Variants in CPVL observed in about 807,000 individuals in gnomAD.
CPVL encodes the protein carboxypeptidase vitellogenic like.
In CPVL, 51 loss-of-function variants were observed where a neutral mutation model predicts 63.7. The ratio of observed to expected loss-of-function variants is 0.80; its 90% confidence interval spans 0.64 to 1.01. CPVL has a LOEUF of 1.01. Among genes scored for constraint, CPVL ranks in the 50% least tolerant of loss-of-function variants. The pLI is 0.00. For synonymous variants in CPVL, 195 were observed against 206.0 expected (o/e 0.95, Z 0.46); for missense variants, 530 against 573.1 (o/e 0.92, Z 0.77).
intron 12 of CPVL, among the ~76,000 whole-genome samples, chr7:28,996,697 T>C (rs1784109947): frequency 6.6e-6 from 1 of 152,184 alleles, no homozygotes; most frequent in Non-Finnish European, 1.5e-5. Flanking sequence ...ACAATTCATA[T>C]AGTGACGATT....
chr7:29,002,123 G>A (rs189360213), intron 12 of CPVL, among the ~76,000 whole-genome samples: 27 of 152,212 alleles, frequency 1.8e-4, no homozygotes, highest in Admixed American at 8.5e-4. Flanking sequence ...AGTCAAAAGC[G>A]GCAGATAAGA....
In CPVL at chr7:29,162,815, G is replaced by A. The variant is rs559648153; in HGVS notation, c.-11+18475C>T. On this transcript the variant is annotated intron_variant, in intron 5 of 16. Transcript: ENST00000409850. ...AATGGCTGCCAAAGGTTAGGGAAGAGGAGGGAGAGCCTAACTATAACAGAG... is the reference window on the plus strand; with the variant it reads ...AATGGCTGCCAAAGGTTAGGGAAGAAGAGGGAGAGCCTAACTATAACAGAG... Among the ~76,000 whole-genome samples, 8 of 152,350 alleles carry A rather than the reference G, an allele frequency of 5.3e-5. No homozygotes were observed. In the South Asian group the frequency reaches 1.7e-3, roughly 32 times the overall value.
At chr7:29,024,861 G>A (rs1584021514) in intron 12 of CPVL, among the ~76,000 whole-genome samples, 1 of 152,196 alleles carries the variant, frequency 6.6e-6, no homozygotes, top group Non-Finnish European at 1.5e-5. Flanking sequence ...ATAACTGGAA[G>A]TGAAAAGACG....
At chr7:29,143,342 T>C (rs1472194365) in intron 1 of CPVL, among the ~76,000 whole-genome samples, 1 of 152,210 alleles carries the variant, frequency 6.6e-6, no homozygotes, top group African/African-American at 2.4e-5. Flanking sequence ...GCCAGTTGAT[T>C]AATCAATTGA....
At chr7:29,045,471 C>G (rs1453667579) in intron 11 of CPVL, among the ~76,000 whole-genome samples, 1 of 152,172 alleles carries the variant, frequency 6.6e-6, no homozygotes, top group East Asian at 1.9e-4. Context: ...CTAGAGTTAG[C>G]TTCCTTCTCT....
intron 5 of CPVL, among the ~76,000 whole-genome samples, chr7:29,162,728 G>A (rs561845610): frequency 8.6e-5 from 13 of 150,742 alleles, no homozygotes; most frequent in African/African-American, 3.2e-4. Context: ...ATTACACATT[G>A]TATGATCTCA....
At chr7:29,089,009 A>G (rs1289753952) in intron 6 of CPVL, among the ~76,000 whole-genome samples, 1 of 152,130 alleles carries the variant, frequency 6.6e-6, no homozygotes, top group East Asian at 1.9e-4. Flanking sequence ...GTGTGTTCAC[A>G]AGTGCACACT....
chr7:29,110,636 T>A (rs963551094), intron 3 of CPVL, among the ~76,000 whole-genome samples: 3 of 152,210 alleles, frequency 2.0e-5, no homozygotes, highest in Non-Finnish European at 4.4e-5. Flanking sequence ...TCTAGGCAAA[T>A]GTTCAAGTAT....
chr7:29,098,219 G>A (rs1786651587), intron 3 of CPVL, among the ~76,000 whole-genome samples: 1 of 152,218 alleles, frequency 6.6e-6, no homozygotes, highest in Non-Finnish European at 1.5e-5. Context: ...AGGCAAGACT[G>A]ACTCAAGAGA....
chr7:29,030,835 T>C, intron 11 of CPVL, 76 bp from the exon 12 acceptor site: 2 of 1,201,254 alleles, frequency 1.7e-6, no homozygotes, highest in South Asian at 1.6e-5. Flanking sequence ...GTATAAATAG[T>C]GAGCCAGTGA....
chr7:29,106,172 GC>G (rs1167036309), intron 3 of CPVL, among the ~76,000 whole-genome samples: 1 of 152,142 alleles, frequency 6.6e-6, no homozygotes, highest in Admixed American at 6.5e-5. Context: ...GAGGCTGGGA[GC>G]CTGCTTGCCT....
chr7:29,185,315 A>T (rs887992419), intron 3 of CPVL, among the ~76,000 whole-genome samples: 1 of 152,206 alleles, frequency 6.6e-6, no homozygotes, highest in Non-Finnish European at 1.5e-5. Flanking sequence ...TCTTTTAAAG[A>T]TCATAACATG....
intron 1 of CPVL, among the ~76,000 whole-genome samples, chr7:29,133,757 T>G (rs958702223): frequency 6.6e-6 from 1 of 152,144 alleles, no homozygotes; most frequent in African/African-American, 2.4e-5. Flanking sequence ...GAGATAACAG[T>G]AAATGGGGCA....
chr7:29,115,009 G>A (rs561534578), intron 2 of CPVL, among the ~76,000 whole-genome samples: 57 of 152,258 alleles, frequency 3.7e-4, no homozygotes, highest in African/African-American at 1.2e-3. Context: ...AGAAGAGCAT[G>A]GGTTTCCTAG....
chr7:28,999,019 A>T (rs1784354267), intron 12 of CPVL, among the ~76,000 whole-genome samples: 1 of 152,058 alleles, frequency 6.6e-6, no homozygotes, highest in South Asian at 2.1e-4. Flanking sequence ...AGCCTGGCCA[A>T]CATGGCGAAA....
chr7:29,087,980 C>A (rs564406085), intron 6 of CPVL, among the ~76,000 whole-genome samples: 1 of 152,156 alleles, frequency 6.6e-6, no homozygotes, highest in Non-Finnish European at 1.5e-5. Context: ...TAAAAATAGG[C>A]ATTCATTCTC....
intron 12 of CPVL, chr7:29,011,691 T>A (rs1785850402): frequency 6.8e-6 from 1 of 147,160 alleles, no homozygotes; most frequent in Non-Finnish European, 1.5e-5. Flanking sequence ...AATGAAACAC[T>A]CCACTGAAAT....
intron 11 of CPVL, among the ~76,000 whole-genome samples, chr7:29,052,525 C>T (rs1790287946): frequency 6.7e-6 from 1 of 149,840 alleles, no homozygotes; most frequent in Non-Finnish European, 1.5e-5. Context: ...AACTTTTGGA[C>T]TTTGATGGGC....
At chr7:29,147,735 C>T (rs959787526), upstream of CPVL, among the ~76,000 whole-genome samples, 1 of 152,154 alleles carries the variant, frequency 6.6e-6, no homozygotes, top group Non-Finnish European at 1.5e-5. Context: ...AATCAGCCCA[C>T]CTTTAATATA....
Sources: gnomAD v4.1 joint callset for allele counts (sites outside exome capture counted in the v4.1 genomes callset) on GRCh38, gnomAD v4.1.1 for gene constraint, MANE v1.5 for transcripts, NCBI Gene and HGNC (gene_info 2026-07-23, HGNC 2026-07-21) for gene names.